Variants in PTPRT observed in about 807,000 individuals in gnomAD.
PTPRT encodes receptor-type tyrosine-protein phosphatase T.
PTPRT carries 56 observed loss-of-function variants against 176.8 expected under a neutral mutation model. The ratio of observed to expected loss-of-function variants is 0.32; its 90% CI spans 0.26 to 0.40. The LOEUF (loss-of-function observed/expected upper bound fraction) is 0.40. Ranked by LOEUF, PTPRT falls within the 10% of genes least tolerant of loss-of-function variation. The pLI, the probability that PTPRT is intolerant of heterozygous loss-of-function variation, is 1.00. For synonymous variants in PTPRT, 783 were observed against 739.0 expected (o/e 1.06, Z -0.96); for missense variants, 1,540 against 1,908.2 (o/e 0.81, Z 3.60).
At chr20:42,453,943 C>A (rs1469462651) in intron 8 of PTPRT, among the ~76,000 whole-genome samples, 1 of 151,816 alleles carries the variant, frequency 6.6e-6, no homozygotes. Flanking sequence ...AGGTGATACA[C>A]CTGTGTTGGC....
rs765021450 is a variant in PTPRT, at chr20:42,352,292, G to A, written c.1561-7C>T. On this transcript the variant is annotated splice_polypyrimidine_tract_variant and splice_region_variant and intron_variant, in intron 9 of 30. Transcript: ENST00000373187. ...CGACAGCCTTGTAGTTGATCTGTAG[G>A]ACAAGCCAGCAAACAAACAAACAAA... 1 of 1,613,946 alleles carries A rather than the reference G, an allele frequency of 6.2e-7. No homozygotes were observed. Among genetic ancestry groups the A allele is most frequent in the Admixed American group, 1.7e-5 (1 of 59,994 alleles).
At chr20:42,726,663 TC>T (rs943774313) in intron 6 of PTPRT, among the ~76,000 whole-genome samples, 32 of 152,154 alleles carry the variant, frequency 2.1e-4, no homozygotes, top group African/African-American at 7.7e-4. Flanking sequence ...CACTATCTGG[TC>T]CCCATGCTGA....
intron 1 of PTPRT, among the ~76,000 whole-genome samples, chr20:43,061,268 T>C (rs1000223233): frequency 6.6e-6 from 1 of 152,200 alleles, no homozygotes; most frequent in Non-Finnish European, 1.5e-5. Flanking sequence ...AACTGTAGGG[T>C]GGCACAGCCA....
intron 12 of PTPRT, among the ~76,000 whole-genome samples, chr20:42,312,740 T>A (rs2057653668): frequency 6.6e-6 from 1 of 151,410 alleles, no homozygotes; most frequent in African/African-American, 2.4e-5. Context: ...TTAAATGGCC[T>A]TGTTCATTTC....
At chr20:42,988,516 C>G (rs544142324) in intron 1 of PTPRT, among the ~76,000 whole-genome samples, 1 of 152,280 alleles carries the variant, frequency 6.6e-6, no homozygotes, top group South Asian at 2.1e-4. Context: ...TTCCCATCCC[C>G]CATGTGCTGC....
chr20:42,480,741 T>A (rs2071370856), intron 7 of PTPRT, among the ~76,000 whole-genome samples: 1 of 152,170 alleles, frequency 6.6e-6, no homozygotes, highest in South Asian at 2.1e-4. Flanking sequence ...TGCACAACCC[T>A]GACATTCGTT....
At chr20:42,947,443 C>G (rs1980952937) in intron 1 of PTPRT, among the ~76,000 whole-genome samples, 1 of 152,128 alleles carries the variant, frequency 6.6e-6, no homozygotes, top group South Asian at 2.1e-4. Flanking sequence ...CTCCTGTTCT[C>G]CATAGAGCAG....
chr20:42,711,255 T>C (rs369802061), intron 6 of PTPRT, among the ~76,000 whole-genome samples: 1 of 152,128 alleles, frequency 6.6e-6, no homozygotes, highest in African/African-American at 2.4e-5. Flanking sequence ...GGACATGATA[T>C]TTGGGGTCCA....
chr20:42,688,438 C>T (rs1336987461), intron 6 of PTPRT: 1 of 152,174 alleles, frequency 6.6e-6, no homozygotes, highest in Non-Finnish European at 1.5e-5. Flanking sequence ...ATTTTGTTAC[C>T]CCAGCCCCAG....
intron 3 of PTPRT, among the ~76,000 whole-genome samples, chr20:42,781,043 G>A (rs2077207806): frequency 6.6e-6 from 1 of 152,028 alleles, no homozygotes; most frequent in African/African-American, 2.4e-5. Flanking sequence ...TCTGGAAATT[G>A]GAAATTCCAT....
chr20:42,300,386 T>C (rs1485210292), intron 12 of PTPRT, among the ~76,000 whole-genome samples: 1 of 151,780 alleles, frequency 6.6e-6, no homozygotes, highest in Admixed American at 6.6e-5. Flanking sequence ...CAGGTCTGAG[T>C]TTCTATAATA....
chr20:42,358,190 G>T (rs561129640), intron 9 of PTPRT, among the ~76,000 whole-genome samples: 2 of 150,608 alleles, frequency 1.3e-5, no homozygotes, highest in South Asian at 4.2e-4. Flanking sequence ...ATTAGGGAAA[G>T]TTGTATGAGG....
chr20:42,454,562 G>T (rs1199933178), intron 8 of PTPRT, among the ~76,000 whole-genome samples: 4 of 151,960 alleles, frequency 2.6e-5, no homozygotes, highest in Admixed American at 2.6e-4. Flanking sequence ...CTTCATTAAG[G>T]TTTTACATGC....
intron 9 of PTPRT, among the ~76,000 whole-genome samples, chr20:42,399,672 A>G (rs1378708337): frequency 6.6e-6 from 1 of 152,134 alleles, no homozygotes; most frequent in Non-Finnish European, 1.5e-5. Context: ...GAGGGCTCAG[A>G]CTCATTTTGA....
At chr20:42,036,788 A>T in the PTPRT span, among the ~76,000 whole-genome samples, 1 of 152,136 alleles carries the variant, frequency 6.6e-6, no homozygotes, top group Non-Finnish European at 1.5e-5. Flanking sequence ...CCCAGGGAGT[A>T]CTCAGCTTGT....
intron 7 of PTPRT, among the ~76,000 whole-genome samples, chr20:42,623,647 A>C (rs2074238833): frequency 6.6e-6 from 1 of 152,098 alleles, no homozygotes; most frequent in African/African-American, 2.4e-5. Flanking sequence ...GAATTTTTGC[A>C]AAGCATGTCA....
intron 1 of PTPRT, among the ~76,000 whole-genome samples, chr20:43,154,205 G>C: frequency 6.6e-6 from 1 of 152,196 alleles, no homozygotes; most frequent in East Asian, 1.9e-4. Context: ...TACACGGTGA[G>C]AGATAAGGAT....
At chr20:42,713,723 G>A (rs567768757) in intron 6 of PTPRT, among the ~76,000 whole-genome samples, 4 of 152,188 alleles carry the variant, frequency 2.6e-5, no homozygotes, top group South Asian at 4.2e-4. Context: ...TCATGGGAGC[G>A]GATTTCTCAC....
intron 13 of PTPRT, among the ~76,000 whole-genome samples, chr20:42,255,986 C>T (rs2056631153): frequency 6.6e-6 from 1 of 152,256 alleles, no homozygotes; most frequent in Admixed American, 6.5e-5. Context: ...GGCAGTTTAC[C>T]CCAGTCTACT....
Sources: allele counts gnomAD v4.1 joint callset (sites outside exome capture counted in the v4.1 genomes callset), GRCh38; gene constraint gnomAD v4.1.1; transcripts MANE v1.5; gene names NCBI Gene and HGNC (gene_info 2026-07-23, HGNC 2026-07-21).